NEK1: variants seen among roughly 807,000 people sequenced by gnomAD.
The protein encoded by NEK1 is serine/threonine-protein kinase Nek1.
Under a neutral mutation model 182.1 loss-of-function variants are expected in NEK1, and 137 were observed. That is an observed-to-expected ratio of 0.75 (90% CI 0.65 to 0.87). The LOEUF (loss-of-function observed/expected upper bound fraction) is 0.87. NEK1 is among the 40% of genes least tolerant of loss of function. The pLI is 0.00. For synonymous variants in NEK1, 513 were observed against 492.2 expected, an observed-to-expected ratio of 1.04 and a Z score of -0.56; for missense variants, 1,391 against 1,494.4, an observed-to-expected ratio of 0.93 and a Z score of 1.14.
intron 26 of NEK1, among the ~76,000 whole-genome samples, chr4:169,470,031 G>T (rs190556219): frequency 1.4e-5 from 2 of 146,778 alleles, no homozygotes; most frequent in Admixed American, 6.9e-5. Flanking sequence ...CCTTGAATAT[G>T]AAATGGGTCT....
In NEK1 at chr4:169,521,478, C is replaced by T. The variant is rs1419188004; in HGVS notation, c.1666-12626G>A. ...AATCACCCGTCTTCTGCGTCGCTCACGCTGGGAGCTGTAGACCGGAGCTGT... is the reference window on the plus strand; with the variant it reads ...AATCACCCGTCTTCTGCGTCGCTCATGCTGGGAGCTGTAGACCGGAGCTGT... On this transcript the variant is annotated intron_variant, in intron 19 of 35. Coordinates refer to ENST00000507142, the MANE Select transcript of NEK1 (RefSeq NM_001199397.3). Among the ~76,000 whole-genome samples the T allele has an allele frequency of 2.0e-5, 3 of 151,902 alleles. 1 individual carries two copies. The South Asian group carries it at 6.2e-4, about 32-fold the overall frequency.
chr4:169,501,518 A>AT (rs1752420336), intron 23 of NEK1, among the ~76,000 whole-genome samples: 1 of 152,186 alleles, frequency 6.6e-6, no homozygotes, highest in Non-Finnish European at 1.5e-5. Context: ...AGTCTCAATA[A>AT]ATTTTTTAAA....
chr4:169,581,444 A>G (rs573395009), intron 10 of NEK1, among the ~76,000 whole-genome samples: 1 of 151,510 alleles, frequency 6.6e-6, no homozygotes, highest in East Asian at 1.9e-4. Flanking sequence ...TTTAAAAAAA[A>G]TTTTTTTTGG....
intron 19 of NEK1, among the ~76,000 whole-genome samples, chr4:169,524,937 C>A (rs903652231): frequency 2.6e-5 from 4 of 152,096 alleles, no homozygotes; most frequent in Admixed American, 2.0e-4. Flanking sequence ...TGATAGAGAC[C>A]TTATGGCCAA....
At chr4:169,421,458 A>T (rs1053849644) in intron 31 of NEK1, among the ~76,000 whole-genome samples, 7 of 152,172 alleles carry the variant, frequency 4.6e-5, no homozygotes, top group African/African-American at 1.4e-4. Flanking sequence ...TGGAATTGTA[A>T]TCCCCAAGAG....
At chr4:169,535,653 T>A (rs1212439337) in intron 19 of NEK1, among the ~76,000 whole-genome samples, 1 of 151,580 alleles carries the variant, frequency 6.6e-6, no homozygotes, top group Non-Finnish European at 1.5e-5. Flanking sequence ...CCGAGGCAGA[T>A]GGATCATCTG....
At chr4:169,522,172 T>C (rs1358195558) in intron 19 of NEK1, among the ~76,000 whole-genome samples, 1 of 152,226 alleles carries the variant, frequency 6.6e-6, no homozygotes, top group Non-Finnish European at 1.5e-5. Flanking sequence ...AATCTGTGAA[T>C]CTTAATTTTG....
intron 27 of NEK1, among the ~76,000 whole-genome samples, chr4:169,459,968 G>A (rs954740224): frequency 1.3e-5 from 2 of 152,116 alleles, no homozygotes; most frequent in Non-Finnish European, 2.9e-5. Flanking sequence ...TTATACATTT[G>A]TCAAAACCCA....
At chr4:169,512,129 T>C (rs1455649522) in intron 19 of NEK1, among the ~76,000 whole-genome samples, 1 of 152,146 alleles carries the variant, frequency 6.6e-6, no homozygotes, top group African/African-American at 2.4e-5. Flanking sequence ...CTGGAACATA[T>C]GCACAAGAAT....
chr4:169,569,286 A>T (rs1301085185), intron 12 of NEK1, among the ~76,000 whole-genome samples: 1 of 152,242 alleles, frequency 6.6e-6, no homozygotes, highest in Non-Finnish European at 1.5e-5. Flanking sequence ...TTTATTTTTA[A>T]AAATGGATAC....
rs999935721 is a variant in NEK1 at position 169,406,512 on chromosome 4, A to G, written c.3374+84T>C. The G allele has an allele frequency of 1.1e-5, 11 of 978,722 alleles. No individual in the cohort carries two copies. In the Admixed American group the frequency reaches 1.3e-4, roughly 12 times the overall value. 60.6% of individuals were successfully genotyped at this position (978,722 alleles called of 1,614,324 possible). ...AAGCAGAGGTTAATGAGTTAAAAAA[A>G]AGAGCTAGGTAAGTTATCCCCTCTT... On this transcript the variant is annotated intron_variant, in intron 32 of 35. Coordinates refer to ENST00000507142, the MANE Select transcript of NEK1 (RefSeq NM_001199397.3).
rs192841863 is a variant in NEK1, at chr4:169,482,887, G to A, written c.2008-3353C>T. Among the ~76,000 whole-genome samples the A allele has an allele frequency of 3.6e-3, 548 of 152,130 alleles. 3 individuals are homozygous for A. The highest frequency in any genetic ancestry group is 0.022 in the South Asian group (106 of 4,806). On this transcript the variant is annotated intron_variant, in intron 23 of 35. Coordinates refer to ENST00000507142, the MANE Select transcript of NEK1 (RefSeq NM_001199397.3). ...CCTGATCTCATGATCCACCTGCCTC[G>A]GCCTCCCAACATGCTGGGATTACAG...
At chr4:169,545,056 T>A (rs1052384162) in intron 18 of NEK1, among the ~76,000 whole-genome samples, 9 of 150,964 alleles carry the variant, frequency 6.0e-5, no homozygotes, top group African/African-American at 2.2e-4. Flanking sequence ...TCTGATTCTT[T>A]TTTTTTTTTT....
At chr4:169,396,789 C>T (rs1290097271) in intron 35 of NEK1, among the ~76,000 whole-genome samples, 1 of 152,028 alleles carries the variant, frequency 6.6e-6, no homozygotes, top group Non-Finnish European at 1.5e-5. Context: ...TTCGGGTGAG[C>T]GAGATAAAAT....
intron 26 of NEK1, among the ~76,000 whole-genome samples, chr4:169,475,463 A>C (rs546499244): frequency 6.6e-6 from 1 of 152,214 alleles, no homozygotes; most frequent in African/African-American, 2.4e-5. Context: ...ACTGAGTCCA[A>C]GTATTATAAC....
chr4:169,510,928 T>C (rs1254554310), intron 19 of NEK1, among the ~76,000 whole-genome samples: 1 of 152,132 alleles, frequency 6.6e-6, no homozygotes, highest in Non-Finnish European at 1.5e-5. Flanking sequence ...GTGTGCTTCC[T>C]TTGACCTTCC....
At chr4:169,597,441 T>G (rs975307814) in intron 5 of NEK1, among the ~76,000 whole-genome samples, 1 of 151,600 alleles carries the variant, frequency 6.6e-6, no homozygotes, top group African/African-American at 2.4e-5. Flanking sequence ...TAGCAAGACC[T>G]CATCTCTACA....
chr4:169,441,336 G>T (rs1739412901), intron 27 of NEK1, among the ~76,000 whole-genome samples: 1 of 152,220 alleles, frequency 6.6e-6, no homozygotes, highest in South Asian at 2.1e-4. Flanking sequence ...ACTCACTGAT[G>T]CCACCACCTG....
At position 169,481,044 on chromosome 4, in the gene NEK1, C is replaced by T. The variant is rs535752921; in HGVS notation, c.2008-1510G>A. 3.9e-5 allele frequency among the ~76,000 whole-genome samples: 6 copies of T among 152,316 alleles called. No individual in the cohort carries two copies. The East Asian group carries it at 9.6e-4, about 24-fold the overall frequency. On this transcript the variant is annotated intron_variant, in intron 23 of 35. Coordinates refer to ENST00000507142, the MANE Select transcript of NEK1 (RefSeq NM_001199397.3). The stretch of plus-strand genomic sequence containing the variant: ...TTCAACAATGTTCAAAACAGCTTCA[C>T]CTTCGTAGACTCCACCTCAAGAAAC...
Sources: gnomAD v4.1 joint callset for allele counts (sites outside exome capture counted in the v4.1 genomes callset) on GRCh38, gnomAD v4.1.1 for gene constraint, MANE v1.5 for transcripts, NCBI Gene and HGNC (gene_info 2026-07-23, HGNC 2026-07-21) for gene names.